USP26: variants seen among roughly 807,000 people sequenced by gnomAD.
USP26 encodes the protein ubiquitin specific peptidase 26, also known as ubiquitin carboxyl-terminal hydrolase 26.
For missense variants in USP26, 649 were observed against 642.3 expected (o/e 1.01, Z -0.11); for synonymous variants, 236 against 240.6 (o/e 0.98, Z 0.18).
chrX:133,029,696 A>T (rs778848307), intron 5 of USP26, among the ~76,000 whole-genome samples: 63 of 112,166 alleles, frequency 5.6e-4, no homozygotes, highest in African/African-American at 1.8e-3. Context: ...TTTTGCACCC[A>T]GCTCATCTGT....
chrX:133,045,279 T>C lies in USP26; in HGVS notation c.-76-16983A>G, dbSNP rs180969086. Among the ~76,000 whole-genome samples the C allele has an allele frequency of 7.1e-5, 8 of 112,016 alleles. No individual in the cohort carries two copies. The Admixed American group carries it at 7.5e-4, about 11-fold the overall frequency. ...GACTTGGAGAACTTTTGTGTCTAGC[T>C]CAGGGATTGTAAACGCACCAATCAG... On this transcript the variant is annotated intron_variant, in intron 5 of 5. Coordinates refer to ENST00000511190, the MANE Select transcript of USP26 (RefSeq NM_031907.3).
At chrX:133,054,014 G>C (rs2084413925) in intron 5 of USP26, among the ~76,000 whole-genome samples, 1 of 111,800 alleles carries the variant, frequency 8.9e-6, no homozygotes, top group African/African-American at 3.2e-5. Context: ...GTTGTGCTGG[G>C]CTAGAGAGGA....
intron 5 of USP26, among the ~76,000 whole-genome samples, chrX:133,053,852 G>A (rs1198714221): frequency 9.0e-6 from 1 of 111,561 alleles, no homozygotes; most frequent in Non-Finnish European, 1.9e-5. Flanking sequence ...TTAAGTGTTT[G>A]AACCAAGACT....
At chrX:133,042,671 ATATT>A (rs1298787604) in intron 5 of USP26, among the ~76,000 whole-genome samples, 2 of 111,713 alleles carry the variant, frequency 1.8e-5, no homozygotes, top group Non-Finnish European at 3.8e-5. Context: ...AAGGAGCTCA[ATATT>A]TATTTAAGTT....
intron 4 of USP26, among the ~76,000 whole-genome samples, chrX:133,089,041 C>T (rs188732694): frequency 1.5e-3 from 162 of 109,175 alleles, no homozygotes; most frequent in Non-Finnish European, 2.4e-3. Context: ...GTAATTTAGC[C>T]ATTTACAGGG....
At position 133,069,633 on chromosome X, in the gene USP26, T is replaced by C. The variant is rs142378226; in HGVS notation, c.-77+14074A>G. On this transcript the variant is annotated intron_variant, in intron 5 of 5. Coordinates refer to ENST00000511190, the MANE Select transcript of USP26 (RefSeq NM_031907.3). Reference sequence around the variant, plus strand: ...CTGAGTAATAAAAGATCCACAAAGATAGAAAAAAGAAAACAGAGGAAAGAA... The same window carrying C: ...CTGAGTAATAAAAGATCCACAAAGACAGAAAAAAGAAAACAGAGGAAAGAA... Among the ~76,000 whole-genome samples, 431 of 111,333 alleles carry C rather than the reference T, an allele frequency of 3.9e-3. 1 individual carries two copies. The highest frequency in any genetic ancestry group is 0.012 in the African/African-American group (381 of 30,691).
rs758618374 is a variant in USP26, at chrX:133,045,073, G to T, written c.-76-16777C>A. Among the ~76,000 whole-genome samples, 28 of 111,932 alleles carry T rather than the reference G, an allele frequency of 2.5e-4. 1 individual carries two copies. In the South Asian group the frequency reaches 9.1e-3, roughly 36 times the overall value. On this transcript the variant is annotated intron_variant, in intron 5 of 5. Transcript: ENST00000511190. ...TTGTAAATGCACCAATCTGTGCTCT[G>T]TGTCTAGCTGATCTGGTGGGGACTT...
chrX:133,056,059 T>G (rs2067474108), intron 5 of USP26, among the ~76,000 whole-genome samples: 1 of 111,865 alleles, frequency 8.9e-6, no homozygotes, highest in Non-Finnish European at 1.9e-5. Flanking sequence ...ACTTGTTTTC[T>G]CTACGTGGAA....
chrX:133,043,136 G>A (rs1047513043), intron 5 of USP26, among the ~76,000 whole-genome samples: 2 of 111,497 alleles, frequency 1.8e-5, no homozygotes, highest in East Asian at 2.8e-4. Flanking sequence ...TTGAAGGGGG[G>A]ACCAGAAAAA....
At chrX:133,045,664 C>T (rs1157371519) in intron 5 of USP26, among the ~76,000 whole-genome samples, 1 of 111,250 alleles carries the variant, frequency 9.0e-6, no homozygotes, top group Non-Finnish European at 1.9e-5. Context: ...CCGTGAAGGT[C>T]TGCAGCTTCG....
rs1378619873 is a variant in USP26 at position 133,026,134 on chromosome X, G to A, written c.2087C>T (p.Pro696Leu). The A allele has an allele frequency of 8.3e-6, 10 of 1,210,522 alleles. No homozygotes were observed. Among genetic ancestry groups the A allele is most frequent in the Non-Finnish European group, 1.1e-5 (10 of 895,152 alleles). ...KVDFQTVPEN[P>L]KRKKYVKTSK... The stretch of plus-strand genomic sequence containing the variant: ...GGTTTTCACATATTTCTTTCGTTTT[G>A]GATTTTCGGGCACTGTTTGAAAGTC... Residue 696 changes from proline (P) to leucine (L), a missense_variant, in exon 6 of 6, where the codon CCA becomes CTA. Transcript: ENST00000511190.
chrX:133,034,865 A>C (rs2067390768), intron 5 of USP26, among the ~76,000 whole-genome samples: 1 of 111,747 alleles, frequency 8.9e-6, no homozygotes, highest in African/African-American at 3.3e-5. Context: ...TCTTACAAAA[A>C]AAAAAAATAT....
intron 5 of USP26, among the ~76,000 whole-genome samples, chrX:133,070,808 C>T (rs1012099063): frequency 8.9e-6 from 1 of 111,792 alleles, no homozygotes; most frequent in Non-Finnish European, 1.9e-5. Flanking sequence ...TTTAAGATGT[C>T]ATCATTCCAT....
chrX:133,058,531 C>T (rs2067484481), intron 5 of USP26, among the ~76,000 whole-genome samples: 2 of 111,739 alleles, frequency 1.8e-5, no homozygotes, highest in African/African-American at 6.5e-5. Context: ...TTATGCAATG[C>T]CTACTTTTAT....
At chrX:133,094,567 T>C (rs2067621189) in intron 1 of USP26, among the ~76,000 whole-genome samples, 2 of 111,530 alleles carry the variant, frequency 1.8e-5, no homozygotes, top group Non-Finnish European at 3.8e-5. Flanking sequence ...AGTAAACATT[T>C]GACGTTACAG....
chrX:133,047,803 G>A (rs1247078902), intron 5 of USP26, among the ~76,000 whole-genome samples: 2 of 111,501 alleles, frequency 1.8e-5, no homozygotes, highest in African/African-American at 6.5e-5. Flanking sequence ...CCCCATCTAT[G>A]AACCAAGAAG....
chrX:133,033,322 G>A (rs1786480042), intron 5 of USP26, among the ~76,000 whole-genome samples: 1 of 112,032 alleles, frequency 8.9e-6, no homozygotes, highest in African/African-American at 3.2e-5. Flanking sequence ...AAACGTCCGA[G>A]TCATTGTGTT....
At chrX:133,033,973 C>G (rs2067387485) in intron 5 of USP26, among the ~76,000 whole-genome samples, 1 of 112,119 alleles carries the variant, frequency 8.9e-6, no homozygotes, top group South Asian at 3.7e-4. Context: ...CATTTCCTCT[C>G]TGCCTGGAAT....
At chrX:133,055,560 T>A (rs888003508) in intron 5 of USP26, among the ~76,000 whole-genome samples, 3 of 111,700 alleles carry the variant, frequency 2.7e-5, no homozygotes, top group African/African-American at 9.8e-5. Context: ...TAGGCAATAC[T>A]CAGTAGCTAT....
Sources: allele counts gnomAD v4.1 joint callset (sites outside exome capture counted in the v4.1 genomes callset), GRCh38; gene constraint gnomAD v4.1.1; transcripts MANE v1.5; gene names NCBI Gene and HGNC (gene_info 2026-07-23, HGNC 2026-07-21).